LY75: variants seen among roughly 807,000 people sequenced by gnomAD.
LY75 encodes C-type lectin domain family 13 member B.
A neutral mutation model predicts 231.7 loss-of-function variants in LY75; 185 were observed. That is an observed-to-expected ratio of 0.80 (90% CI 0.71 to 0.90). LY75 has a LOEUF of 0.90. Among genes scored for constraint, LY75 ranks in the 40% least tolerant of loss-of-function variants. The probability of loss-of-function intolerance (pLI) is 0.00; values close to 1 mark genes in which losing one functional copy is unlikely to be tolerated. For synonymous variants in LY75, 668 were observed against 689.0 expected (o/e 0.97, Z 0.48); for missense variants, 1,947 against 2,050.2 (o/e 0.95, Z 0.97).
intron 15 of LY75, 134 bp from the exon 16 acceptor site, chr2:159,858,610 T>C: frequency 2.0e-6 from 2 of 982,224 alleles, no homozygotes; most frequent in Non-Finnish European, 2.8e-6. Flanking sequence ...AATGAACACA[T>C]GAATTAATGG....
At chr2:159,845,337 G>C (rs888545417) in intron 23 of LY75, among the ~76,000 whole-genome samples, 2 of 151,876 alleles carry the variant, frequency 1.3e-5, no homozygotes, top group African/African-American at 4.8e-5. Flanking sequence ...TGTTTTAAGG[G>C]CATGTAATAA....
In LY75 at chr2:159,858,543, A is replaced by G; in HGVS notation, c.2269-67T>C. The stretch of plus-strand genomic sequence containing the variant: ...CATCCCTTATGGAACACTAAACTGT[A>G]AGCCCTATGACTTTGATCTCTATTT... On this transcript the variant is annotated intron_variant, in intron 15 of 34. Coordinates refer to ENST00000263636, the MANE Select transcript of LY75 (RefSeq NM_002349.4). 3 of 1,504,796 alleles carry G rather than the reference A, an allele frequency of 2.0e-6. No homozygotes were observed. The South Asian group carries it at 3.9e-5, about 20-fold the overall frequency. The allele number at this position is 1,504,796 out of a possible 1,614,324, so 93.2% of individuals were successfully genotyped here. A position where few individuals can be genotyped will look rare whatever the true frequency, so the allele number is the denominator to read the frequency against.
intron 11 of LY75, among the ~76,000 whole-genome samples, chr2:159,877,492 T>G (rs1035922135): frequency 6.6e-6 from 1 of 152,188 alleles, no homozygotes; most frequent in Non-Finnish European, 1.5e-5. Context: ...ATTTCTGAGG[T>G]CCTTTCCGGC....
At chr2:159,881,342 C>T in intron 7 of LY75, 102 bp from the exon 8 acceptor site, 1 of 1,246,180 alleles carries the variant, frequency 8.0e-7, no homozygotes. Flanking sequence ...GTTTTAAGAG[C>T]CTTTGTAGTA....
At chr2:159,828,350 G>A (rs1683543439) in intron 28 of LY75, among the ~76,000 whole-genome samples, 1 of 151,810 alleles carries the variant, frequency 6.6e-6, no homozygotes, top group Non-Finnish European at 1.5e-5. Context: ...CAAAAAATCT[G>A]AATAGGGATT....
chr2:159,888,434 A>G (rs1685658359), intron 4 of LY75, among the ~76,000 whole-genome samples: 1 of 152,218 alleles, frequency 6.6e-6, no homozygotes, highest in South Asian at 2.1e-4. Flanking sequence ...TTCAAATCCC[A>G]ATCTGATACT....
At chr2:159,843,657 G>A (rs990945112) in intron 23 of LY75, among the ~76,000 whole-genome samples, 6 of 152,082 alleles carry the variant, frequency 3.9e-5, no homozygotes, top group African/African-American at 1.4e-4. Flanking sequence ...CATAGTAAAT[G>A]GCTGAACTGG....
At chr2:159,883,204 C>T (rs142924673) in intron 6 of LY75, among the ~76,000 whole-genome samples, 6,021 of 149,404 alleles carry the variant, frequency 0.04, 394 homozygotes, top group African/African-American at 0.14. Context: ...GTGGGTGCAG[C>T]GCACCAGCAT....
chr2:159,845,996 C>T (rs1684191381), intron 23 of LY75, among the ~76,000 whole-genome samples: 1 of 150,916 alleles, frequency 6.6e-6, no homozygotes, highest in Non-Finnish European at 1.5e-5. Flanking sequence ...CAGGGTTTTG[C>T]TGTGTTGCCC....
chr2:159,891,382 G>C (rs998245431), intron 3 of LY75, among the ~76,000 whole-genome samples: 1 of 152,146 alleles, frequency 6.6e-6, no homozygotes, highest in Non-Finnish European at 1.5e-5. Flanking sequence ...AATAGCAACA[G>C]AGATTCTGAC....
intron 3 of LY75, 127 bp downstream of exon 3, chr2:159,893,783 CCAAA>C: frequency 7.6e-7 from 1 of 1,324,410 alleles, no homozygotes; most frequent in Non-Finnish European, 1.0e-6. Flanking sequence ...CTCTTCTCCT[CCAAA>C]CATACACTTC....
intron 1 of LY75, among the ~76,000 whole-genome samples, chr2:159,902,119 G>A (rs541812733): frequency 1.3e-5 from 2 of 152,244 alleles, no homozygotes; most frequent in South Asian, 2.1e-4. Flanking sequence ...AGATTTTATT[G>A]TATAAAACTT....
At chr2:159,833,002 T>G (rs1297615026) in intron 27 of LY75, among the ~76,000 whole-genome samples, 1 of 152,226 alleles carries the variant, frequency 6.6e-6, no homozygotes, top group East Asian at 1.9e-4. Context: ...TCTTTAAGCT[T>G]AGCTGCTGCC....
chr2:159,841,118 C>G (rs1195189562), intron 24 of LY75, 163 bp from the exon 25 acceptor site: 42 of 634,502 alleles, frequency 6.6e-5, no homozygotes, highest in Non-Finnish European at 7.9e-5. Context: ...TTGCTGTATA[C>G]CTTAAGGAAA....
chr2:159,872,328 C>A, intron 13 of LY75, 123 bp downstream of exon 13: 1 of 1,281,446 alleles, frequency 7.8e-7, no homozygotes, highest in Non-Finnish European at 1.1e-6. Context: ...CACCAAATGA[C>A]CTTTTAGATA....
chr2:159,808,531 C>A lies in LY75; in HGVS notation c.4740G>T (p.Glu1580Asp). Residue 1580 changes from glutamate (E) to aspartate (D), a missense_variant, in exon 33 of 35, where the codon GAG (glutamate) becomes GAT (aspartate). Physicochemically the swap from Glu to Asp is conservative, Grantham distance 45 (BLOSUM62 2). Coordinates refer to ENST00000263636, the MANE Select transcript of LY75 (RefSeq NM_002349.4). ...ATIVSIKDED[E>D]NKFVSRLMRE... ...TCATCAGTCTGCTCACAAATTTATT[C>A]TCATCTTCATCTTTTATGGAAACGA... 6.2e-7 allele frequency: 1 copy of A among 1,613,810 alleles called. No homozygotes were observed. Among genetic ancestry groups the A allele is most frequent in the South Asian group, 1.1e-5 (1 of 91,078 alleles).
intron 4 of LY75, among the ~76,000 whole-genome samples, chr2:159,887,211 TCA>T (rs370794967): frequency 0.015 from 1,925 of 129,948 alleles, 22 homozygotes; most frequent in Middle Eastern, 0.034. Flanking sequence ...AGAGTGAGAG[TCA>T]CACACACACA....
At chr2:159,837,894 C>T (rs1683881128) in intron 25 of LY75, among the ~76,000 whole-genome samples, 1 of 152,162 alleles carries the variant, frequency 6.6e-6, no homozygotes, top group Non-Finnish European at 1.5e-5. Flanking sequence ...GCTGTCCTCC[C>T]GGTCCTACCA....
At position 159,886,323 on chromosome 2, in the gene LY75, C is replaced by A. The variant is rs967832553; in HGVS notation, c.913+97G>T. 9.1e-6 allele frequency: 12 copies of A among 1,311,696 alleles called. No individual in the cohort carries two copies. In the African/African-American group the frequency reaches 1.2e-4, roughly 13 times the overall value. 81.3% of individuals were successfully genotyped at this position (1,311,696 alleles called of 1,614,324 possible). A position where few individuals can be genotyped will look rare whatever the true frequency, so the allele number is the denominator to read the frequency against. ...TGAGAGGTAACCATAGTAAGAGCTG[C>A]CAAGATGTGAAACTTTTCTAAGCTA... On this transcript the variant is annotated intron_variant, in intron 5 of 34. Coordinates refer to ENST00000263636, the MANE Select transcript of LY75 (RefSeq NM_002349.4).
Sources: gnomAD v4.1 joint callset for allele counts (sites outside exome capture counted in the v4.1 genomes callset) on GRCh38, gnomAD v4.1.1 for gene constraint, MANE v1.5 for transcripts, NCBI Gene and HGNC (gene_info 2026-07-23, HGNC 2026-07-21) for gene names.